Variants in STAG1 observed in about 807,000 individuals in gnomAD.
STAG1 encodes the protein STAG1 cohesin complex component, also known as cohesin subunit SA-1.
In STAG1, 26 loss-of-function variants were observed where a neutral mutation model predicts 170.9. That is an observed-to-expected ratio of 0.15 (90% CI 0.11 to 0.21). The LOEUF is 0.21. Among genes scored for constraint, STAG1 ranks in the 10% least tolerant of loss-of-function variants. STAG1 has a pLI of 1.00. For synonymous variants in STAG1, 514 were observed against 497.7 expected (o/e 1.03, Z -0.44); for missense variants, 964 against 1,509.5 (o/e 0.64, Z 5.99).
chr3:136,467,222 TAAAG>T (rs2089489854), intron 12 of STAG1, among the ~76,000 whole-genome samples: 1 of 152,018 alleles, frequency 6.6e-6, no homozygotes, highest in Middle Eastern at 3.2e-3. Context: ...GCAAATTGGA[TAAAG>T]AGTCAAGACC....
chr3:136,709,084 G>T (rs1943312793), intron 1 of STAG1, among the ~76,000 whole-genome samples: 1 of 151,138 alleles, frequency 6.6e-6, no homozygotes, highest in Non-Finnish European at 1.5e-5. Context: ...GAGGTCAGGG[G>T]TTCAAGACCA....
chr3:136,367,212 G>C, intron 24 of STAG1, 130 bp from the exon 25 acceptor site: 1 of 711,418 alleles, frequency 1.4e-6, no homozygotes. Flanking sequence ...GTTTTAGATG[G>C]GACAAAAACT....
intron 2 of STAG1, among the ~76,000 whole-genome samples, chr3:136,627,311 C>CT (rs1940148763): frequency 2.0e-5 from 3 of 152,172 alleles, no homozygotes; most frequent in African/African-American, 7.2e-5. Flanking sequence ...AAAAGTTTCA[C>CT]TTTATCTCAT....
chr3:136,721,914 CA>C (rs368976606), intron 1 of STAG1, among the ~76,000 whole-genome samples: 182 of 127,422 alleles, frequency 1.4e-3, no homozygotes, highest in Middle Eastern at 5.3e-3. Flanking sequence ...GACTCCATCT[CA>C]AAAAAAAAAA....
At chr3:136,577,263 T>A (rs551862336) in intron 4 of STAG1, among the ~76,000 whole-genome samples, 1 of 152,202 alleles carries the variant, frequency 6.6e-6, no homozygotes, top group African/African-American at 2.4e-5. Context: ...AGAACTTCCA[T>A]GAAGAATCCT....
chr3:136,359,034 A>AAG, intron 27 of STAG1, 114 bp downstream of exon 27: 1 of 904,670 alleles, frequency 1.1e-6, no homozygotes, highest in Non-Finnish European at 1.6e-6. Flanking sequence ...CTAATCTCCA[A>AAG]AGTTCTTATA....
chr3:136,661,614 C>T (rs953014170), intron 1 of STAG1, among the ~76,000 whole-genome samples: 2 of 151,948 alleles, frequency 1.3e-5, no homozygotes, highest in African/African-American at 4.8e-5. Flanking sequence ...ATTCCAAAAC[C>T]CCCCCAACCA....
chr3:136,518,137 C>A, intron 7 of STAG1: 1 of 379,006 alleles, frequency 2.6e-6, no homozygotes, highest in Non-Finnish European at 4.7e-6. Context: ...GAATTCATAA[C>A]AGGAAAATGG....
At chr3:136,720,788 C>CAA (rs140399721) in intron 1 of STAG1, among the ~76,000 whole-genome samples, 2 of 144,214 alleles carry the variant, frequency 1.4e-5, no homozygotes, top group Non-Finnish European at 3.0e-5. Context: ...GATTCCATCT[C>CAA]AAAAAAAAAA....
chr3:136,465,841 C>A (rs1344262044), intron 12 of STAG1, among the ~76,000 whole-genome samples: 3 of 152,052 alleles, frequency 2.0e-5, no homozygotes, highest in Non-Finnish European at 4.4e-5. Context: ...TAATGCATAA[C>A]CTCTACGAAA....
At chr3:136,463,735 A>ATGTG (rs140989476) in intron 13 of STAG1, among the ~76,000 whole-genome samples, 6,747 of 101,076 alleles carry the variant, frequency 0.067, 264 homozygotes, top group South Asian at 0.082. Context: ...AAATGTGTAT[A>ATGTG]TGTGTGTGTG....
chr3:136,594,167 C>A (rs1938313616), intron 4 of STAG1, among the ~76,000 whole-genome samples: 1 of 152,148 alleles, frequency 6.6e-6, no homozygotes, highest in Non-Finnish European at 1.5e-5. Context: ...TACAAGTTAA[C>A]AGGTAGAATT....
intron 10 of STAG1, among the ~76,000 whole-genome samples, chr3:136,475,650 C>T (rs1253196625): frequency 6.6e-6 from 1 of 152,126 alleles, no homozygotes; most frequent in East Asian, 1.9e-4. Flanking sequence ...TAGATGAAGT[C>T]TTGATAGTTC....
chr3:136,372,273 A>C (rs1301136423), intron 23 of STAG1, among the ~76,000 whole-genome samples: 1 of 152,248 alleles, frequency 6.6e-6, no homozygotes, highest in Non-Finnish European at 1.5e-5. Context: ...TTTTCTAAAT[A>C]TACAATCATG....
intron 21 of STAG1, among the ~76,000 whole-genome samples, chr3:136,404,775 T>C (rs931666730): frequency 6.6e-5 from 10 of 152,234 alleles, no homozygotes; most frequent in African/African-American, 2.4e-4. Flanking sequence ...GCTTCTGGAA[T>C]GTTTAAGTTT....
Position 136,428,690 on chromosome 3 carries a change from C to T in STAG1, c.1650+4866G>A, listed in dbSNP as rs563838792. Among the ~76,000 whole-genome samples the T allele has an allele frequency of 7.2e-5, 11 of 152,272 alleles. No homozygotes were observed. The East Asian group carries it at 1.5e-3, about 21-fold the overall frequency. On this transcript the variant is annotated intron_variant, in intron 16 of 33. Transcript: ENST00000383202. ...CCATCAAGCCCCCCAAAATAAATAC[C>T]TGTTGGAGAAAACTGTGTCCAGATG... is the stretch of plus-strand genomic sequence containing the variant.
At chr3:136,339,018 C>G in intron 32 of STAG1, among the ~76,000 whole-genome samples, 1 of 152,102 alleles carries the variant, frequency 6.6e-6, no homozygotes. Flanking sequence ...TCAGAACATG[C>G]CAGTATTTGG....
At chr3:136,541,538 T>TCACACACACACACA (rs59155124) in intron 6 of STAG1, among the ~76,000 whole-genome samples, 99 of 123,214 alleles carry the variant, frequency 8.0e-4, no homozygotes, top group Admixed American at 2.3e-3. Context: ...AGCTTAACAT[T>TCACACACACACACA]CACACACACA....
chr3:136,463,086 A>G (rs1352154700), intron 13 of STAG1, among the ~76,000 whole-genome samples: 2 of 152,218 alleles, frequency 1.3e-5, no homozygotes, highest in Non-Finnish European at 2.9e-5. Flanking sequence ...TATCAGTGAC[A>G]GACAACATCC....
Sources: allele counts gnomAD v4.1 joint callset (sites outside exome capture counted in the v4.1 genomes callset), GRCh38; gene constraint gnomAD v4.1.1; transcripts MANE v1.5; gene names NCBI Gene and HGNC (gene_info 2026-07-23, HGNC 2026-07-21).